The following DCC variants were observed in gnomAD, a reference collection of about 807,000 sequenced individuals.
DCC encodes the protein netrin receptor DCC.
In DCC, 58 loss-of-function variants were observed where a neutral mutation model predicts 172.5. That is an observed-to-expected ratio of 0.34 (90% CI 0.27 to 0.42). The LOEUF is 0.42. Ranked by LOEUF, DCC falls within the 10% of genes least tolerant of loss-of-function variation. DCC has a pLI of 1.00. For synonymous variants in DCC, 709 were observed against 644.5 expected (o/e 1.10, Z -1.52); for missense variants, 1,740 against 1,791.0 (o/e 0.97, Z 0.51).
At chr18:53,478,274 C>A (rs2045790484) in intron 25 of DCC, among the ~76,000 whole-genome samples, 1 of 152,068 alleles carries the variant, frequency 6.6e-6, no homozygotes, top group Non-Finnish European at 1.5e-5. Flanking sequence ...TGGGGTGTGG[C>A]CTTGGGTGAG....
At chr18:53,265,307 A>C (rs1354344170) in intron 12 of DCC, among the ~76,000 whole-genome samples, 1 of 152,208 alleles carries the variant, frequency 6.6e-6, no homozygotes, top group African/African-American at 2.4e-5. Context: ...ACAGCCTCTA[A>C]GACATTAGAG....
rs373688035 is a variant in DCC, at chr18:53,376,896, G to A, written c.2360-9147G>A. ...TTGAGTAACAAATTATGTTACTCAC[G>A]TCCATTGTTTGCTCTTAATTTATAC... On this transcript the variant is annotated intron_variant, in intron 15 of 28. Coordinates refer to ENST00000442544, the MANE Select transcript of DCC (RefSeq NM_005215.4). Among the ~76,000 whole-genome samples the A allele has an allele frequency of 7.9e-5, 12 of 151,850 alleles. No individual in the cohort carries two copies. The East Asian group carries it at 9.7e-4, about 12-fold the overall frequency.
chr18:53,384,861 T>C (rs1215116050), intron 15 of DCC, among the ~76,000 whole-genome samples: 1 of 151,892 alleles, frequency 6.6e-6, no homozygotes, highest in Admixed American at 6.6e-5. Context: ...TTTTTTCTTT[T>C]TTTTGAGGCA....
rs1436925189 is a variant in DCC at position 52,715,361 on chromosome 18, A to G, written c.92-36693A>G. Among the ~76,000 whole-genome samples the G allele has an allele frequency of 2.0e-5, 3 of 150,052 alleles. No individual in the cohort carries two copies. In the East Asian group the frequency reaches 6.0e-4, roughly 30 times the overall value. ...ATTGCCCAGGCTGGAGTGCCGTGGC[A>G]TGATATCAGCTCACTGCAACCTCCA... On this transcript the variant is annotated intron_variant, in intron 1 of 28. Coordinates refer to ENST00000442544, the MANE Select transcript of DCC (RefSeq NM_005215.4).
At chr18:53,467,788 A>G (rs2045639420) in intron 24 of DCC, 106 bp from the exon 25 acceptor site, 3 of 770,428 alleles carry the variant, frequency 3.9e-6, no homozygotes, top group South Asian at 2.7e-5. Flanking sequence ...ATACTATCAT[A>G]GAAAGCATCT....
At chr18:52,414,429 C>A (rs900179573) in intron 1 of DCC, among the ~76,000 whole-genome samples, 10 of 152,120 alleles carry the variant, frequency 6.6e-5, no homozygotes, top group Admixed American at 1.3e-4. Flanking sequence ...TTGCTTTTAG[C>A]CCCTTCTGCT....
chr18:53,087,960 A>T (rs543365131), intron 7 of DCC, among the ~76,000 whole-genome samples: 1 of 151,922 alleles, frequency 6.6e-6, no homozygotes, highest in African/African-American at 2.4e-5. Context: ...CCATTGATCT[A>T]TATCTCTGTT....
chr18:52,568,674 A>G (rs894474638), intron 1 of DCC, among the ~76,000 whole-genome samples: 1 of 152,066 alleles, frequency 6.6e-6, no homozygotes, highest in Admixed American at 6.6e-5. Context: ...ATATGTCACT[A>G]TGTGTGTGTG....
intron 26 of DCC, among the ~76,000 whole-genome samples, chr18:53,496,050 C>T (rs746864240): frequency 3.3e-5 from 5 of 152,180 alleles, no homozygotes; most frequent in Admixed American, 6.5e-5. Context: ...CTAAACGTCC[C>T]TGCCTGACAG....
chr18:53,070,628 G>A (rs915576404), intron 7 of DCC, among the ~76,000 whole-genome samples: 1 of 152,110 alleles, frequency 6.6e-6, no homozygotes, highest in African/African-American at 2.4e-5. Context: ...CCTCACTAGA[G>A]CCCAGGAAAA....
chr18:53,511,475 A>AACAGCTCCGGTCT (rs1466697605), intron 27 of DCC, among the ~76,000 whole-genome samples: 1 of 152,214 alleles, frequency 6.6e-6, no homozygotes, highest in African/African-American at 2.4e-5. Flanking sequence ...GCCGAATAGG[A>AACAGCTCCGGTCT]ACAGCTCCGG....
At chr18:52,386,730 T>C (rs186587480) in intron 1 of DCC, among the ~76,000 whole-genome samples, 1 of 152,100 alleles carries the variant, frequency 6.6e-6, no homozygotes, top group East Asian at 1.9e-4. Flanking sequence ...GGGAAAGAGA[T>C]TGTTGGGAAT....
At chr18:52,382,494 T>C (rs1985627587) in intron 1 of DCC, among the ~76,000 whole-genome samples, 1 of 152,138 alleles carries the variant, frequency 6.6e-6, no homozygotes, top group African/African-American at 2.4e-5. Flanking sequence ...GTAAAACTTA[T>C]AGGACAGGTT....
At chr18:53,244,734 G>T (rs759852816) in intron 12 of DCC, among the ~76,000 whole-genome samples, 13 of 152,050 alleles carry the variant, frequency 8.5e-5, no homozygotes, top group Non-Finnish European at 1.3e-4. Context: ...AGTGGAATGG[G>T]ATTACACAAA....
intron 5 of DCC, among the ~76,000 whole-genome samples, chr18:52,985,221 C>T (rs778092447): frequency 6.6e-6 from 1 of 151,864 alleles, no homozygotes; most frequent in South Asian, 2.1e-4. Flanking sequence ...CTTGGGTTTC[C>T]TTTTTGGTTT....
At chr18:53,392,377 C>T (rs183763618) in intron 17 of DCC, among the ~76,000 whole-genome samples, 9 of 152,134 alleles carry the variant, frequency 5.9e-5, no homozygotes, top group Non-Finnish European at 1.2e-4. Flanking sequence ...ACATCTACTT[C>T]ATTTAGCCTT....
chr18:52,405,140 T>C (rs1216848180), intron 1 of DCC, among the ~76,000 whole-genome samples: 3 of 150,974 alleles, frequency 2.0e-5, no homozygotes, highest in African/African-American at 4.9e-5. Flanking sequence ...CATGTGTCTT[T>C]ATAGCAGCAT....
chr18:52,496,577 C>G (rs1375160772), intron 1 of DCC, among the ~76,000 whole-genome samples: 2 of 152,080 alleles, frequency 1.3e-5, no homozygotes, highest in African/African-American at 2.4e-5. Flanking sequence ...GAGCCTGTAG[C>G]TTTGGGTCTC....
At chr18:52,587,915 A>C (rs2033713087) in intron 1 of DCC, among the ~76,000 whole-genome samples, 1 of 152,200 alleles carries the variant, frequency 6.6e-6, no homozygotes, top group Non-Finnish European at 1.5e-5. Context: ...CATTTAAGCC[A>C]CTTCCTTATG....
Sources: gnomAD v4.1 joint callset for allele counts (sites outside exome capture counted in the v4.1 genomes callset) on GRCh38, gnomAD v4.1.1 for gene constraint, MANE v1.5 for transcripts, NCBI Gene and HGNC (gene_info 2026-07-23, HGNC 2026-07-21) for gene names.